The following BTAF1 variants were observed in gnomAD, a reference collection of about 807,000 sequenced individuals.
BTAF1 encodes TATA-binding protein-associated factor 172.
BTAF1 carries 38 observed loss-of-function variants against 227.1 expected under a neutral mutation model. The ratio of observed to expected loss-of-function variants is 0.17; its 90% CI spans 0.13 to 0.22. The LOEUF (loss-of-function observed/expected upper bound fraction) is 0.22, where lower values mean the gene tolerates loss of function less well. Ranked by LOEUF, BTAF1 falls within the 10% of genes least tolerant of loss-of-function variation. The pLI is 1.00. For synonymous variants in BTAF1, 742 were observed against 751.9 expected (o/e 0.99, Z 0.21); for missense variants, 1,598 against 2,204.0 (o/e 0.73, Z 5.51).
In BTAF1 at chr10:91,929,029, G is replaced by A. The variant is rs564871276; in HGVS notation, c.14+4939G>A. Among the ~76,000 whole-genome samples the A allele has an allele frequency of 5.3e-5, 8 of 152,192 alleles. No individual in the cohort carries two copies. The South Asian group carries it at 6.2e-4, about 12-fold the overall frequency. ...GGGTTTCATCATGTTGCCCAGGCTG[G>A]TTGCAAACTCCTGGGCTCCAGTGAT... On this transcript the variant is annotated intron_variant, in intron 1 of 37. Transcript: ENST00000265990.
Position 92,031,417 on chromosome 10 carries a change from G to A in BTAF1, c.*2484G>A, listed in dbSNP as rs1279601084. 6.6e-6 allele frequency among the ~76,000 whole-genome samples: 1 copy of A among 152,116 alleles called. No homozygotes were observed. Among genetic ancestry groups the A allele is most frequent in the Non-Finnish European group, 1.5e-5 (1 of 68,026 alleles). On this transcript the variant is annotated 3_prime_UTR_variant, in exon 38 of 38. Coordinates refer to ENST00000265990, the MANE Select transcript of BTAF1 (RefSeq NM_003972.3). ...TTTATATGAACTTACTTATTCAAAAGTAAATATTCCACTGAAGCTATTTGA... is the reference window on the plus strand; with the variant it reads ...TTTATATGAACTTACTTATTCAAAAATAAATATTCCACTGAAGCTATTTGA...
intron 32 of BTAF1, 92 bp downstream of exon 32, chr10:92,014,121 C>A: frequency 1.5e-6 from 2 of 1,365,328 alleles, no homozygotes. Flanking sequence ...AGGGGCTTAG[C>A]CTTTGGCTTT....
chr10:91,964,307 T>C, intron 13 of BTAF1, 106 bp downstream of exon 13: 2 of 1,322,074 alleles, frequency 1.5e-6, no homozygotes, highest in Middle Eastern at 2.6e-4. Context: ...AATAATATTA[T>C]TTAAGCTGGA....
chr10:92,022,701 A>G (rs1276043619), intron 34 of BTAF1, among the ~76,000 whole-genome samples: 2 of 152,158 alleles, frequency 1.3e-5, no homozygotes, highest in Admixed American at 1.3e-4. Context: ...TATAGGCATG[A>G]GTCACTATGC....
chr10:91,993,111 A>G (rs1185224694), intron 21 of BTAF1, among the ~76,000 whole-genome samples: 2 of 152,166 alleles, frequency 1.3e-5, no homozygotes, highest in Non-Finnish European at 2.9e-5. Flanking sequence ...CATTGACAAT[A>G]TTTCCCTATA....
chr10:91,994,453 C>T, intron 22 of BTAF1, 82 bp from the exon 23 acceptor site: 1 of 983,700 alleles, frequency 1.0e-6, no homozygotes, highest in South Asian at 1.5e-5. Context: ...CCTATGCTAG[C>T]TGAAAAAGTG....
rs746045054 is a variant in BTAF1, at chr10:91,942,412, C to A, written c.254-10C>A. 2.5e-6 allele frequency: 4 copies of A among 1,585,288 alleles called. No homozygotes were observed. The South Asian group carries it at 3.3e-5, about 13-fold the overall frequency. On this transcript the variant is annotated splice_polypyrimidine_tract_variant and intron_variant, in intron 3 of 37. Coordinates refer to ENST00000265990, the MANE Select transcript of BTAF1 (RefSeq NM_003972.3). ...ATATGGTCAAATTAATATTTTTAAACCTCATGTAGAACCTACTTCCGAAAG... is the reference window on the plus strand; with the variant it reads ...ATATGGTCAAATTAATATTTTTAAAACTCATGTAGAACCTACTTCCGAAAG...
At chr10:91,947,278 A>G (rs1041138264) in intron 4 of BTAF1, among the ~76,000 whole-genome samples, 2 of 152,146 alleles carry the variant, frequency 1.3e-5, no homozygotes, top group Admixed American at 1.3e-4. Context: ...TTTTGGTATT[A>G]TATGTAAGAA....
chr10:91,929,870 A>G (rs868655606), intron 1 of BTAF1, among the ~76,000 whole-genome samples: 4 of 152,278 alleles, frequency 2.6e-5, no homozygotes, highest in East Asian at 3.9e-4. Context: ...GTTAATTTCA[A>G]TCCATTATAA....
chr10:92,004,605 C>A (rs1009152936), intron 25 of BTAF1, among the ~76,000 whole-genome samples: 1 of 152,050 alleles, frequency 6.6e-6, no homozygotes, highest in Non-Finnish European at 1.5e-5. Flanking sequence ...GTAGATGGGA[C>A]TACAGGTGTG....
At chr10:91,928,839 T>A (rs1844061777) in intron 1 of BTAF1, among the ~76,000 whole-genome samples, 1 of 150,220 alleles carries the variant, frequency 6.7e-6, no homozygotes, top group South Asian at 2.1e-4. Context: ...TGTTTGTTTG[T>A]TTTTGGAGGC....
At chr10:91,976,403 A>AC (rs1261184839) in intron 14 of BTAF1, among the ~76,000 whole-genome samples, 1 of 152,180 alleles carries the variant, frequency 6.6e-6, no homozygotes, top group Non-Finnish European at 1.5e-5. Context: ...TTAATCTCCA[A>AC]CCCCTCTAGC....
At position 91,923,908 on chromosome 10, in the gene BTAF1, TAGGCGGC is replaced by T. The variant is rs1310500965; in HGVS notation, c.-165_-159del. On this transcript the variant is annotated 5_prime_UTR_variant, in exon 1 of 38. Transcript: ENST00000265990. ...CGGCCGCCGCGGGGACGAGCTCGGG[TAGGCGGC>T]AGGGCAGATGCCCGAGGGCCTGCGC... 1 of 744,036 alleles carries T rather than the reference TAGGCGGC, an allele frequency of 1.3e-6. No homozygotes were observed. The highest frequency in any genetic ancestry group is 1.9e-5 in the African/African-American group (1 of 53,568). The allele number at this position is 744,036 out of a possible 1,614,324, so 46.1% of individuals were successfully genotyped here.
rs1305462946 is a variant in BTAF1 at position 91,980,382 on chromosome 10, CAT to C, written c.1651-68_1651-67del. 7.3e-6 allele frequency: 8 copies of C among 1,095,236 alleles called. No homozygotes were observed. In the African/African-American group the frequency reaches 1.2e-4, roughly 17 times the overall value. 67.8% of individuals were successfully genotyped at this position (1,095,236 alleles called of 1,614,324 possible). ...TCATGGTAGTACTTTTGTTATTTGA[CAT>C]ATAATTCTTCAGGTAAGCTAACATC... On this transcript the variant is annotated intron_variant, in intron 14 of 37. Transcript: ENST00000265990.
intron 35 of BTAF1, 65 bp downstream of exon 35, chr10:92,025,032 C>A: frequency 7.1e-7 from 1 of 1,417,992 alleles, no homozygotes; most frequent in Non-Finnish European, 9.6e-7. Flanking sequence ...AAGTTTGCCC[C>A]ATGAAATATT....
chr10:91,996,406 A>G lies in BTAF1; in HGVS notation c.3347A>G (p.Gln1116Arg), dbSNP rs752239224. Reference protein sequence around the residue: ...QHLPHLYMCLQYPSTAVRHMA... With the variant: ...QHLPHLYMCLRYPSTAVRHMA... ...TTGCCACATCTTTATATGTGCCTTC[A>G]ATACCCCAGTACTGCAGTGAGGCAC... The change falls in exon 24 of 38, where the codon CAA becomes CGA. Residue 1116 changes from glutamine (Q) to arginine (R), a missense_variant. Physicochemically the swap from Gln to Arg is conservative, Grantham distance 43 (BLOSUM62 1). Coordinates refer to ENST00000265990, the MANE Select transcript of BTAF1 (RefSeq NM_003972.3). 2 of 1,614,022 alleles carry G rather than the reference A, an allele frequency of 1.2e-6. No homozygotes were observed. The highest frequency in any genetic ancestry group is 1.7e-6 in the Non-Finnish European group (2 of 1,180,024).
intron 11 of BTAF1, 132 bp downstream of exon 11, chr10:91,960,286 TGA>T (rs1233314663): frequency 7.4e-6 from 7 of 944,642 alleles, no homozygotes; most frequent in South Asian, 3.9e-5. Flanking sequence ...TTTGCCGTCT[TGA>T]GAGAGTGTCA....
intron 5 of BTAF1, 103 bp downstream of exon 5, chr10:91,951,669 G>C (rs1845771009): frequency 1.7e-6 from 2 of 1,211,768 alleles, no homozygotes; most frequent in African/African-American, 3.1e-5. Flanking sequence ...ACTTAGCTCT[G>C]TTCATTGCTG....
intron 2 of BTAF1, among the ~76,000 whole-genome samples, chr10:91,937,481 C>G (rs941012168): frequency 6.6e-6 from 1 of 152,074 alleles, no homozygotes. Context: ...TCACTCATGC[C>G]CAGATCCTCG....
Sources: allele counts gnomAD v4.1 joint callset (sites outside exome capture counted in the v4.1 genomes callset), GRCh38; gene constraint gnomAD v4.1.1; transcripts MANE v1.5; gene names NCBI Gene and HGNC (gene_info 2026-07-23, HGNC 2026-07-21).